Variants in PEAK1 observed in about 807,000 individuals in gnomAD.
PEAK1 encodes the protein pseudopodium enriched atypical kinase 1, also known as inactive tyrosine-protein kinase PEAK1.
PEAK1 carries 54 observed loss-of-function variants against 124.7 expected under a neutral mutation model. That is an observed-to-expected ratio of 0.43 (90% CI 0.35 to 0.54). The LOEUF is 0.54. Ranked by LOEUF, PEAK1 falls within the 20% of genes least tolerant of loss-of-function variation. PEAK1 has a pLI of 0.01. For missense variants in PEAK1, 2,046 were observed against 2,134.5 expected (o/e 0.96, Z 0.82); for synonymous variants, 719 against 760.0 (o/e 0.95, Z 0.89).
intron 1 of PEAK1, among the ~76,000 whole-genome samples, chr15:77,380,306 A>G (rs758124403): frequency 3.9e-4 from 60 of 152,278 alleles, no homozygotes; most frequent in South Asian, 1.9e-3. Flanking sequence ...AATCTGCCAG[A>G]TAATTAGAAT....
chr15:77,337,981 T>C (rs2066303078), intron 2 of PEAK1: 1 of 984,284 alleles, frequency 1.0e-6, no homozygotes, highest in African/African-American at 1.7e-5. Context: ...TACCACTTTC[T>C]GGAACCTATA....
intron 6 of PEAK1, among the ~76,000 whole-genome samples, chr15:77,242,277 GATA>G (rs2060392401): frequency 6.6e-6 from 1 of 151,862 alleles, no homozygotes; most frequent in African/African-American, 2.4e-5. Context: ...TTAAAGTTTT[GATA>G]ATACATGTTG....
At chr15:77,248,297 T>TA (rs2060688261) in intron 6 of PEAK1, among the ~76,000 whole-genome samples, 1 of 152,184 alleles carries the variant, frequency 6.6e-6, no homozygotes, top group Non-Finnish European at 1.5e-5. Context: ...ACTGGACAAT[T>TA]AACTTTGAGA....
At position 77,133,210 on chromosome 15, in the gene PEAK1, C is replaced by T. The variant is rs760438142; in HGVS notation, c.3872G>A (p.Arg1291Gln). The T allele has an allele frequency of 8.1e-6, 13 of 1,614,082 alleles. No individual in the cohort carries two copies. Among genetic ancestry groups the T allele is most frequent in the South Asian group, 3.3e-5 (3 of 91,086 alleles). The change falls in exon 9 of 10, where the codon CGA (arginine) becomes CAA (glutamine). Residue 1291 changes from arginine to glutamine, a missense_variant. Transcript: ENST00000682557. The surrounding 1 kb of genome is among the most constrained non-coding windows in gnomAD (Gnocchi z 4.2). Reference protein sequence around the residue: ...ENREEVVGKIRSLHTDALKKL... With the variant: ...ENREEVVGKIQSLHTDALKKL... Reference sequence around the variant, plus strand: ...CTTCAAGGCATCTGTATGAAGGCTTCGGATTTTACCCACTACTTCCTCCCG... The same window carrying T: ...CTTCAAGGCATCTGTATGAAGGCTTTGGATTTTACCCACTACTTCCTCCCG...
chr15:77,158,406 T>C (rs139022127), intron 8 of PEAK1, 97 bp downstream of exon 8: 1 of 1,162,914 alleles, frequency 8.6e-7, no homozygotes, highest in Non-Finnish European at 1.2e-6. Flanking sequence ...TTCTGCTTCA[T>C]GGAGCAATAA....
chr15:77,309,026 A>C (rs1174472987), intron 2 of PEAK1, among the ~76,000 whole-genome samples: 1 of 152,126 alleles, frequency 6.6e-6, no homozygotes, highest in African/African-American at 2.4e-5. Flanking sequence ...CACAAACATC[A>C]GGTAAAAGGA....
At chr15:77,411,245 T>C (rs2072388989) in intron 1 of PEAK1, among the ~76,000 whole-genome samples, 1 of 151,940 alleles carries the variant, frequency 6.6e-6, no homozygotes, top group South Asian at 2.1e-4. Context: ...TTTGATTGTA[T>C]GCAGTCTGAA....
intron 2 of PEAK1, among the ~76,000 whole-genome samples, chr15:77,331,786 T>C (rs1400834888): frequency 6.6e-6 from 1 of 151,916 alleles, no homozygotes; most frequent in Admixed American, 6.6e-5. Flanking sequence ...CCCAGCTAAT[T>C]TTTGTATTTT....
exon 7 of PEAK1, chr15:77,102,397 C>A (rs772713188): frequency 1.3e-5 from 2 of 152,174 alleles, no homozygotes; most frequent in Non-Finnish European, 1.5e-5. Flanking sequence ...AGGTTTATCA[C>A]CTTTAGTCAA....
At chr15:77,414,804 C>T (rs917356822) in intron 1 of PEAK1, among the ~76,000 whole-genome samples, 1 of 152,266 alleles carries the variant, frequency 6.6e-6, no homozygotes, top group African/African-American at 2.4e-5. Context: ...ATTTGCTCTA[C>T]AGCTTCACAC....
At chr15:77,216,863 A>C (rs1251002618) in intron 6 of PEAK1, among the ~76,000 whole-genome samples, 1 of 152,232 alleles carries the variant, frequency 6.6e-6, no homozygotes, top group Non-Finnish European at 1.5e-5. Context: ...ATTTTAAACA[A>C]GTAGGATTGA....
At chr15:77,397,812 C>T (rs776521683) in intron 1 of PEAK1, among the ~76,000 whole-genome samples, 1 of 152,122 alleles carries the variant, frequency 6.6e-6, no homozygotes, top group Non-Finnish European at 1.5e-5. Context: ...GTAATCCCAG[C>T]ACCTTGGGAG....
intron 5 of PEAK1, chr15:77,255,473 G>A: frequency 1.3e-6 from 1 of 762,824 alleles, no homozygotes; most frequent in Non-Finnish European, 1.6e-6. Context: ...TCTTGACAAT[G>A]TTACAACGTT....
At chr15:77,346,741 T>G in intron 2 of PEAK1, 2 of 980,774 alleles carry the variant, frequency 2.0e-6, no homozygotes, top group Non-Finnish European at 2.4e-6. Context: ...TTTGTACGAA[T>G]AGCTGGTAGA....
At chr15:77,141,240 T>A (rs1358139300) in intron 8 of PEAK1, among the ~76,000 whole-genome samples, 1 of 152,222 alleles carries the variant, frequency 6.6e-6, no homozygotes, top group Non-Finnish European at 1.5e-5. Context: ...TTCATTTCTA[T>A]ACATTATAAA....
At chr15:77,274,755 A>C (rs910216041) in intron 5 of PEAK1, among the ~76,000 whole-genome samples, 5 of 152,198 alleles carry the variant, frequency 3.3e-5, no homozygotes. Context: ...AACAGTATGG[A>C]GATTCCTTAA....
At chr15:77,175,505 C>T (rs1596470980) in intron 7 of PEAK1, among the ~76,000 whole-genome samples, 2 of 151,588 alleles carry the variant, frequency 1.3e-5, no homozygotes, top group African/African-American at 4.8e-5. Flanking sequence ...TGAAAAAATG[C>T]TCATCATCAC....
At chr15:77,358,423 A>G (rs2067663954) in intron 2 of PEAK1, among the ~76,000 whole-genome samples, 1 of 152,200 alleles carries the variant, frequency 6.6e-6, no homozygotes, top group Admixed American at 6.5e-5. Flanking sequence ...TACTAAAAAC[A>G]AAAAACCAAT....
intron 2 of PEAK1, among the ~76,000 whole-genome samples, chr15:77,347,031 T>C (rs985764045): frequency 3.3e-5 from 5 of 152,310 alleles, no homozygotes; most frequent in Admixed American, 1.3e-4. Context: ...GAGACTTAAA[T>C]GACAAGAAGA....
Sources: allele counts gnomAD v4.1 joint callset (sites outside exome capture counted in the v4.1 genomes callset), GRCh38; gene constraint gnomAD v4.1.1; non-coding constraint Gnocchi (gnomAD v3.1); transcripts MANE v1.5; gene names NCBI Gene and HGNC (gene_info 2026-07-23, HGNC 2026-07-21).